The following ACCSL variants were observed in gnomAD, a reference collection of about 807,000 sequenced individuals.
The protein encoded by ACCSL is 1-aminocyclopropane-1-carboxylate synthase homolog (inactive) like, also known as probable inactive 1-aminocyclopropane-1-carboxylate synthase-like protein 2.
A neutral mutation model predicts 61.7 loss-of-function variants in ACCSL; 55 were observed. That is an observed-to-expected ratio of 0.89 (90% CI 0.72 to 1.12). The LOEUF (loss-of-function observed/expected upper bound fraction) is 1.12, where lower values mean the gene tolerates loss of function less well. Among genes scored for constraint, ACCSL ranks in the 50% most tolerant of loss-of-function variants. The pLI is 0.00. For missense variants in ACCSL, 632 were observed against 698.0 expected, an observed-to-expected ratio of 0.91 and a Z score of 1.07; for synonymous variants, 258 against 264.3, an observed-to-expected ratio of 0.98 and a Z score of 0.23.
At chr11:44,033,337 C>A in the ACCSL span, among the ~76,000 whole-genome samples, 1 of 152,110 alleles carries the variant, frequency 6.6e-6, no homozygotes, top group African/African-American at 2.4e-5. Context: ...GGGCTCTTGA[C>A]AAAAACTCCG....
chr11:43,931,248 A>G, the ACCSL span, among the ~76,000 whole-genome samples: 13 of 152,154 alleles, frequency 8.5e-5, no homozygotes, highest in Non-Finnish European at 1.0e-4. Flanking sequence ...GGGCGTCATG[A>G]GTGGGGAGGG....
chr11:43,922,993 G>A, the ACCSL span, among the ~76,000 whole-genome samples: 22 of 152,278 alleles, frequency 1.4e-4, no homozygotes, highest in Admixed American at 1.2e-3. Context: ...CCACTAGCTC[G>A]GGTGGCATTG....
the ACCSL span, among the ~76,000 whole-genome samples, chr11:43,958,388 A>G: frequency 1.1e-3 from 164 of 152,236 alleles, no homozygotes; most frequent in Non-Finnish European, 1.0e-3. Flanking sequence ...TCGACTCCCT[A>G]TGAGTTCATC....
rs1334529168 is a variant in ACCSL at position 44,052,709 on chromosome 11, T to G, written c.820T>G (p.Ser274Ala). 6.2e-7 allele frequency: 1 copy of G among 1,614,016 alleles called. No individual in the cohort carries two copies. The highest frequency in any genetic ancestry group is 1.3e-5 in the African/African-American group (1 of 74,908). ...APFYGGFAFS[S>A]RLYAKVELIP... ...CTTCTATGGTGGCTTTGCCTTTAGC[T>G]CCCGCCTGTATGCAAAGGTTGAGTT... The change falls in exon 6 of 14, where the codon TCC becomes GCC. Residue 274 changes from serine (S) to alanine (A), a missense_variant. Transcript: ENST00000378832.
chr11:44,056,148 A>G (rs1161064246), intron 10 of ACCSL, 37 bp from the exon 11 acceptor site: 1 of 1,614,230 alleles, frequency 6.2e-7, no homozygotes, highest in Non-Finnish European at 8.5e-7. Flanking sequence ...GAAGGCAGAC[A>G]AAACACTTGT....
At chr11:43,945,135 T>C in the ACCSL span, 1 of 152,266 alleles carries the variant, frequency 6.6e-6, no homozygotes, top group Admixed American at 6.5e-5. Context: ...CTGTAGTATT[T>C]GGCCCGTGTC....
At chr11:44,040,554 T>C in the ACCSL span, among the ~76,000 whole-genome samples, 1 of 152,098 alleles carries the variant, frequency 6.6e-6, no homozygotes, top group Non-Finnish European at 1.5e-5. Context: ...AAGCAGAACA[T>C]GCAGGCCACA....
the ACCSL span, among the ~76,000 whole-genome samples, chr11:43,996,351 G>A: frequency 1.3e-5 from 2 of 152,318 alleles, no homozygotes; most frequent in East Asian, 3.9e-4. Context: ...GGTGTGGAAC[G>A]TGGGTCAGAG....
At chr11:43,924,605 C>T in the ACCSL span, among the ~76,000 whole-genome samples, 1 of 152,262 alleles carries the variant, frequency 6.6e-6, no homozygotes, top group Non-Finnish European at 1.5e-5. Context: ...TGGCCAAACC[C>T]GTTCCTGCGG....
chr11:44,039,742 G>A, the ACCSL span, among the ~76,000 whole-genome samples: 1 of 152,248 alleles, frequency 6.6e-6, no homozygotes, highest in Non-Finnish European at 1.5e-5. Flanking sequence ...AGGCACCTGT[G>A]TGTTAAACAA....
chr11:43,941,869 A>G, the ACCSL span, among the ~76,000 whole-genome samples: 17 of 144,712 alleles, frequency 1.2e-4, no homozygotes, highest in Admixed American at 6.6e-4. Context: ...GATGGTAGCT[A>G]TTATTGTTGT....
At chr11:44,049,085 G>A (rs1952618918) in intron 1 of ACCSL, among the ~76,000 whole-genome samples, 1 of 152,118 alleles carries the variant, frequency 6.6e-6, no homozygotes, top group Non-Finnish European at 1.5e-5. Context: ...CTGGTGCTGT[G>A]GCAGGAGGTG....
At chr11:43,977,546 A>T in the ACCSL span, among the ~76,000 whole-genome samples, 1 of 152,240 alleles carries the variant, frequency 6.6e-6, no homozygotes, top group Non-Finnish European at 1.5e-5. Context: ...AGCCTCCAGA[A>T]GGAAATGCAA....
Position 44,058,361 on chromosome 11 carries a change from C to T in ACCSL, c.1372C>T (p.Arg458Trp), listed in dbSNP as rs372214310. Residue 458 changes from arginine to tryptophan, a missense_variant, in exon 12 of 14, where the codon CGG becomes TGG. By Grantham distance (101) the Arg-to-Trp change is moderately radical. Coordinates refer to ENST00000378832, the MANE Select transcript of ACCSL (RefSeq NM_001031854.2). ...VYLPTNCYRLREAHKYITAEL... is the reference protein window; with the variant it reads ...VYLPTNCYRLWEAHKYITAEL... ...CCTACCCACCAATTGCTACCGGCTC[C>T]GGGAAGCTCACAAGTACATCACTGC... 5.5e-5 allele frequency: 88 copies of T among 1,614,002 alleles called. 1 individual carries two copies. In the African/African-American group the frequency reaches 6.8e-4, roughly 12 times the overall value.
chr11:43,941,276 G>A, the ACCSL span, among the ~76,000 whole-genome samples: 7 of 152,032 alleles, frequency 4.6e-5, no homozygotes, highest in Admixed American at 6.6e-5. Context: ...GTTCTTCTTC[G>A]TGTGTGTATC....
At chr11:44,051,174 T>G (rs1412612618) in intron 3 of ACCSL, among the ~76,000 whole-genome samples, 161 bp from the exon 4 acceptor site, 2 of 152,180 alleles carry the variant, frequency 1.3e-5, no homozygotes, top group Admixed American at 1.3e-4. Context: ...TCTCATTTAT[T>G]GTCTGTGTGA....
At chr11:44,044,250 G>A (rs556418061), upstream of ACCSL, among the ~76,000 whole-genome samples, 13 of 152,226 alleles carry the variant, frequency 8.5e-5, 1 homozygote, top group Admixed American at 2.6e-4. Flanking sequence ...GCTTCCTAGG[G>A]CTAAAATGGG....
At chr11:44,049,023 G>A (rs983192699) in intron 1 of ACCSL, among the ~76,000 whole-genome samples, 11 of 152,156 alleles carry the variant, frequency 7.2e-5, no homozygotes, top group African/African-American at 2.2e-4. Context: ...TTCAAGATGC[G>A]AAGGGCTAGG....
the ACCSL span, among the ~76,000 whole-genome samples, chr11:43,975,804 G>T: frequency 6.6e-6 from 1 of 152,136 alleles, no homozygotes; most frequent in African/African-American, 2.4e-5. Context: ...AAGAAAGGAT[G>T]ACTCAGAGGG....
Sources: gnomAD v4.1 joint callset for allele counts (sites outside exome capture counted in the v4.1 genomes callset) on GRCh38, gnomAD v4.1.1 for gene constraint, MANE v1.5 for transcripts, NCBI Gene and HGNC (gene_info 2026-07-23, HGNC 2026-07-21) for gene names.